RAB27A: variants seen among roughly 807,000 people sequenced by gnomAD.
RAB27A encodes the protein ras-related protein Rab-27A.
Under a neutral mutation model 20.8 loss-of-function variants are expected in RAB27A, and 17 were observed. The observed-to-expected ratio is 0.82, with a 90% CI of 0.56 to 1.23. RAB27A has a LOEUF of 1.23. RAB27A is among the 50% of genes most tolerant of loss of function. RAB27A has a pLI of 0.00. For synonymous variants in RAB27A, 85 were observed against 92.8 expected, an observed-to-expected ratio of 0.92 and a Z score of 0.48; for missense variants, 277 against 266.7, an observed-to-expected ratio of 1.04 and a Z score of -0.27.
At chr15:55,281,767 A>T (rs888700569) in intron 1 of RAB27A, among the ~76,000 whole-genome samples, 1 of 151,776 alleles carries the variant, frequency 6.6e-6, no homozygotes, top group South Asian at 2.1e-4. Context: ...GTAGGAAAGG[A>T]AAAGAGAAGG....
intron 6 of RAB27A, among the ~76,000 whole-genome samples, chr15:55,215,479 C>T (rs1239970911): frequency 1.3e-5 from 2 of 149,538 alleles, no homozygotes; most frequent in Admixed American, 6.7e-5. Flanking sequence ...GGTGAAACCC[C>T]GTCTCTACTA....
chr15:55,212,449 A>G (rs575412318), intron 6 of RAB27A, among the ~76,000 whole-genome samples: 30 of 152,254 alleles, frequency 2.0e-4, no homozygotes, highest in Admixed American at 4.6e-4. Context: ...TTTGCCACTT[A>G]CCAACTCCAG....
chr15:55,284,891 A>G (rs1208401339), intron 1 of RAB27A, among the ~76,000 whole-genome samples: 3 of 152,108 alleles, frequency 2.0e-5, no homozygotes, highest in Non-Finnish European at 4.4e-5. Context: ...TCTAATTCTA[A>G]TACTCCTTGG....
At chr15:55,235,046 ACC>A in intron 2 of RAB27A, 90 bp from the exon 3 acceptor site, 1 of 1,047,016 alleles carries the variant, frequency 9.6e-7, no homozygotes, top group Non-Finnish European at 1.4e-6. Context: ...TCAGTTTAAC[ACC>A]TAATGTTAAC....
chr15:55,242,688 C>T (rs1436239635), intron 2 of RAB27A, among the ~76,000 whole-genome samples: 10 of 152,198 alleles, frequency 6.6e-5, no homozygotes, highest in African/African-American at 1.4e-4. Flanking sequence ...GATTTTGGGG[C>T]GCCCTATCCA....
intron 2 of RAB27A, among the ~76,000 whole-genome samples, chr15:55,249,585 T>C (rs1365709772): frequency 1.3e-5 from 2 of 152,214 alleles, no homozygotes; most frequent in Non-Finnish European, 2.9e-5. Flanking sequence ...CCGGGCTGAA[T>C]TAAGTTTTAT....
chr15:55,208,082 T>G (rs1894739410), intron 6 of RAB27A, among the ~76,000 whole-genome samples: 1 of 152,246 alleles, frequency 6.6e-6, no homozygotes, highest in African/African-American at 2.4e-5. Context: ...GAATAGATAT[T>G]GCAGAACTAT....
chr15:55,311,264 A>G (rs1043849251), intron 2 of RAB27A, among the ~76,000 whole-genome samples: 4 of 152,008 alleles, frequency 2.6e-5, no homozygotes, highest in Non-Finnish European at 5.9e-5. Flanking sequence ...CCCTTGTAAA[A>G]CCTCAACATA....
chr15:55,228,031 T>C (rs1339060957), intron 5 of RAB27A, among the ~76,000 whole-genome samples: 1 of 152,124 alleles, frequency 6.6e-6, no homozygotes, highest in South Asian at 2.1e-4. Flanking sequence ...CTCTCCAAAA[T>C]AAAGGTTGAC....
At chr15:55,237,901 T>A (rs1191831483) in intron 2 of RAB27A, among the ~76,000 whole-genome samples, 4 of 152,230 alleles carry the variant, frequency 2.6e-5, no homozygotes, top group Non-Finnish European at 5.9e-5. Flanking sequence ...TAGAATTCTC[T>A]AAACTCACTT....
intron 2 of RAB27A, among the ~76,000 whole-genome samples, chr15:55,236,110 A>G (rs7172628): frequency 0.056 from 8,498 of 151,960 alleles, 826 homozygotes; most frequent in African/African-American, 0.2. Context: ...AATCACCACT[A>G]AAGAACTTAT....
chr15:55,246,657 A>G (rs935851196), intron 2 of RAB27A, among the ~76,000 whole-genome samples: 7 of 152,034 alleles, frequency 4.6e-5, no homozygotes, highest in Non-Finnish European at 7.4e-5. Flanking sequence ...GGTAAAACAT[A>G]GGCAGTACAG....
chr15:55,235,648 T>G (rs971133415), intron 2 of RAB27A, among the ~76,000 whole-genome samples: 3 of 152,064 alleles, frequency 2.0e-5, no homozygotes, highest in Non-Finnish European at 4.4e-5. Flanking sequence ...CAGTAATCAT[T>G]AGAGTGCAAG....
At position 55,211,958 on chromosome 15, in the gene RAB27A, C is replaced by CTTTTTTT. The variant is rs539618132; in HGVS notation, c.468-6260_468-6254dup. Among the ~76,000 whole-genome samples the CTTTTTTT allele has an allele frequency of 3.2e-5, 4 of 124,346 alleles. 1 individual carries two copies. The highest frequency in any genetic ancestry group is 3.1e-5 in the African/African-American group (1 of 32,480). The allele number at this position is 124,346 out of a possible 152,430, so 81.6% of individuals were successfully genotyped here. ...TTAAATGAGTTTCCTGGACTATAAC[C>CTTTTTTT]TTTTTTTTTTTTTTTTTTTTAGCTT... is the stretch of plus-strand genomic sequence containing the variant. On this transcript the variant is annotated intron_variant, in intron 6 of 6. Transcript: ENST00000336787.
At chr15:55,301,398 T>C (rs1416694836) in intron 2 of RAB27A, among the ~76,000 whole-genome samples, 1 of 152,114 alleles carries the variant, frequency 6.6e-6, no homozygotes. Context: ...CAGCTGCTAG[T>C]TTGGATGCAG....
chr15:55,215,394 T>G (rs977090842), intron 6 of RAB27A, among the ~76,000 whole-genome samples: 2 of 152,174 alleles, frequency 1.3e-5, no homozygotes, highest in Non-Finnish European at 2.9e-5. Context: ...GGCTCACGCC[T>G]GTCATCCCAG....
intron 4 of RAB27A, among the ~76,000 whole-genome samples, chr15:55,229,329 C>G (rs1213804984): frequency 6.6e-6 from 1 of 151,770 alleles, no homozygotes; most frequent in Admixed American, 6.6e-5. Flanking sequence ...AATTTGTCAT[C>G]TAATCAGCAA....
chr15:55,300,304 G>A (rs188739298), intron 2 of RAB27A, among the ~76,000 whole-genome samples: 113 of 152,206 alleles, frequency 7.4e-4, no homozygotes, highest in African/African-American at 2.6e-3. Flanking sequence ...GAAGCAAGTC[G>A]GGAGTGCAAC....
intron 1 of RAB27A, among the ~76,000 whole-genome samples, chr15:55,281,557 C>T (rs570830877): frequency 6.6e-6 from 1 of 152,122 alleles, no homozygotes; most frequent in Non-Finnish European, 1.5e-5. Context: ...ATTAAAAATA[C>T]AAAAATTAGC....
Sources: gnomAD v4.1 joint callset for allele counts (sites outside exome capture counted in the v4.1 genomes callset) on GRCh38, gnomAD v4.1.1 for gene constraint, MANE v1.5 for transcripts, NCBI Gene and HGNC (gene_info 2026-07-23, HGNC 2026-07-21) for gene names.